The following PTPRM variants were observed in gnomAD, a reference collection of about 807,000 sequenced individuals.
The protein encoded by PTPRM is protein tyrosine phosphatase receptor type M, also known as receptor-type tyrosine-protein phosphatase mu.
Under a neutral mutation model 186.7 loss-of-function variants are expected in PTPRM, and 47 were observed. The observed-to-expected ratio is 0.25, with a 90% CI of 0.20 to 0.32. The LOEUF is 0.32. PTPRM is among the 10% of genes least tolerant of loss of function. The pLI is 1.00. For missense variants in PTPRM, 1,494 were observed against 1,865.0 expected (o/e 0.80, Z 3.66); for synonymous variants, 668 against 674.9 (o/e 0.99, Z 0.16).
At chr18:7,963,741 C>T (rs1250252686) in intron 7 of PTPRM, among the ~76,000 whole-genome samples, 1 of 152,180 alleles carries the variant, frequency 6.6e-6, no homozygotes, top group Non-Finnish European at 1.5e-5. Context: ...TGTATTTTGT[C>T]TGTCTATCTG....
intron 14 of PTPRM, among the ~76,000 whole-genome samples, chr18:8,183,774 A>G (rs139780012): frequency 2.0e-4 from 30 of 152,288 alleles, no homozygotes; most frequent in African/African-American, 7.0e-4. Context: ...CTAAAAATAA[A>G]CAGGTAGACA....
intron 1 of PTPRM, among the ~76,000 whole-genome samples, chr18:7,764,796 A>G (rs2041942588): frequency 6.6e-6 from 1 of 152,222 alleles, no homozygotes; most frequent in Non-Finnish European, 1.5e-5. Flanking sequence ...TAGTTTGACG[A>G]TCTTCTCCCT....
intron 12 of PTPRM, 86 bp from the exon 13 acceptor site, chr18:8,114,705 G>A (rs2091889980): frequency 2.8e-6 from 3 of 1,062,558 alleles, no homozygotes; most frequent in Non-Finnish European, 4.3e-6. Context: ...TTCCTTATCA[G>A]TGCTATTTAA....
intron 19 of PTPRM, among the ~76,000 whole-genome samples, chr18:8,260,631 T>G (rs1464128272): frequency 6.6e-6 from 1 of 152,180 alleles, no homozygotes; most frequent in Non-Finnish European, 1.5e-5. Context: ...GGACCAGATT[T>G]CAACATGAGT....
chr18:7,597,184 A>G (rs1339332061), intron 1 of PTPRM, among the ~76,000 whole-genome samples: 1 of 152,168 alleles, frequency 6.6e-6, no homozygotes, highest in Non-Finnish European at 1.5e-5. Flanking sequence ...TTTTTGTACC[A>G]TAGAGAAACT....
intron 14 of PTPRM, among the ~76,000 whole-genome samples, chr18:8,240,485 G>A (rs1311806980): frequency 5.6e-5 from 1 of 17,700 alleles, no homozygotes; most frequent in African/African-American, 3.0e-4. Flanking sequence ...GAGGGGAGGA[G>A]AGAGAGAGAG....
At chr18:7,876,197 T>TA (rs201030232) in intron 2 of PTPRM, among the ~76,000 whole-genome samples, 1 of 151,986 alleles carries the variant, frequency 6.6e-6, no homozygotes, top group Non-Finnish European at 1.5e-5. Flanking sequence ...TTAGGTGATT[T>TA]AAAAAAATTG....
intron 19 of PTPRM, among the ~76,000 whole-genome samples, chr18:8,280,908 G>T (rs1358463777): frequency 6.6e-6 from 1 of 152,120 alleles, no homozygotes; most frequent in Non-Finnish European, 1.5e-5. Context: ...CGGTCTAATT[G>T]TGCCAGTAAA....
intron 1 of PTPRM, among the ~76,000 whole-genome samples, chr18:7,609,272 G>A (rs1167438916): frequency 1.3e-5 from 2 of 152,136 alleles, no homozygotes; most frequent in Non-Finnish European, 2.9e-5. Flanking sequence ...TTGCATAGCT[G>A]TAAATGATGG....
chr18:8,003,855 C>T (rs913505488), intron 7 of PTPRM, among the ~76,000 whole-genome samples: 1 of 152,198 alleles, frequency 6.6e-6, no homozygotes, highest in Non-Finnish European at 1.5e-5. Context: ...TGTCTGTGAC[C>T]ATTCTACTTA....
intron 23 of PTPRM, among the ~76,000 whole-genome samples, chr18:8,349,281 T>C (rs1477136263): frequency 6.6e-6 from 1 of 152,328 alleles, no homozygotes; most frequent in Non-Finnish European, 1.5e-5. Flanking sequence ...ATAAAAATAT[T>C]AGTAATCGTT....
At chr18:7,824,597 C>T (rs993815515) in intron 2 of PTPRM, among the ~76,000 whole-genome samples, 14 of 152,108 alleles carry the variant, frequency 9.2e-5, no homozygotes, top group Non-Finnish European at 8.8e-5. Context: ...TTAGTAACTA[C>T]TAGACTATTT....
At chr18:8,321,542 G>A (rs1243235907) in intron 22 of PTPRM, among the ~76,000 whole-genome samples, 1 of 152,226 alleles carries the variant, frequency 6.6e-6, no homozygotes, top group African/African-American at 2.4e-5. Flanking sequence ...GCATTCTAGT[G>A]TTAATGAGCA....
intron 23 of PTPRM, among the ~76,000 whole-genome samples, chr18:8,346,073 T>C (rs2095503323): frequency 6.6e-6 from 1 of 152,204 alleles, no homozygotes; most frequent in Non-Finnish European, 1.5e-5. Flanking sequence ...TTTCTTTCAA[T>C]GATGTCTCTG....
At chr18:7,744,403 G>A (rs1033144029) in intron 1 of PTPRM, among the ~76,000 whole-genome samples, 1 of 152,146 alleles carries the variant, frequency 6.6e-6, no homozygotes, top group Non-Finnish European at 1.5e-5. Context: ...TAGAGTGGGA[G>A]TAAGGTAGAG....
intron 2 of PTPRM, among the ~76,000 whole-genome samples, chr18:7,779,618 CT>C (rs2042759485): frequency 6.6e-6 from 1 of 152,164 alleles, no homozygotes; most frequent in African/African-American, 2.4e-5. Flanking sequence ...GAAGACTTCC[CT>C]ATTTATTCAC....
intron 14 of PTPRM, among the ~76,000 whole-genome samples, chr18:8,166,253 C>T (rs1226337637): frequency 6.6e-6 from 1 of 152,188 alleles, no homozygotes; most frequent in Non-Finnish European, 1.5e-5. Context: ...TACGTCATTA[C>T]TGAGGCAAGG....
intron 7 of PTPRM, among the ~76,000 whole-genome samples, chr18:7,980,896 G>T (rs1021244688): frequency 6.6e-6 from 1 of 152,132 alleles, no homozygotes; most frequent in Non-Finnish European, 1.5e-5. Flanking sequence ...GCCTGGCAGG[G>T]CTTTTGTCTG....
At chr18:7,981,573 C>T (rs2082552417) in intron 7 of PTPRM, among the ~76,000 whole-genome samples, 1 of 152,184 alleles carries the variant, frequency 6.6e-6, no homozygotes, top group East Asian at 1.9e-4. Context: ...CATACTTGCC[C>T]CGGAGGAATG....
Sources: allele counts gnomAD v4.1 joint callset (sites outside exome capture counted in the v4.1 genomes callset), GRCh38; gene constraint gnomAD v4.1.1; transcripts MANE v1.5; gene names NCBI Gene and HGNC (gene_info 2026-07-23, HGNC 2026-07-21).